MYO1E: variants seen among roughly 807,000 people sequenced by gnomAD.
MYO1E encodes unconventional myosin-Ie.
In MYO1E, 68 loss-of-function variants were observed where a neutral mutation model predicts 151.1. The ratio of observed to expected loss-of-function variants is 0.45; its 90% confidence interval spans 0.37 to 0.55. The LOEUF is 0.55. MYO1E is among the 20% of genes least tolerant of loss of function. MYO1E has a pLI of 0.00. For synonymous variants in MYO1E, 601 were observed against 501.7 expected (o/e 1.20, Z -2.64); for missense variants, 1,363 against 1,389.3 (o/e 0.98, Z 0.30).
chr15:59,267,158 CG>C (rs2080260908), intron 2 of MYO1E, among the ~76,000 whole-genome samples: 3 of 148,774 alleles, frequency 2.0e-5, no homozygotes, highest in African/African-American at 7.5e-5. Flanking sequence ...CCCGAGTAGC[CG>C]GGACTACAGG....
chr15:59,163,276 G>A lies in MYO1E; in HGVS notation c.2508C>T (p.Leu836=). ...GCAAACTGTCATACTCTTGCTCATG[G>A]AGAATAAAAATGTCATCCTGCATAG... ...LSTMQDDIFI[L]HEQEYDSLLE... is the part of the protein sequence containing the mutation. Residue 836 remains leucine (L), a synonymous_variant, in exon 23 of 28, where the codon CTC becomes CTT. Transcript: ENST00000288235. The A allele has an allele frequency of 5.0e-6, 8 of 1,613,734 alleles. No homozygotes were observed. Among genetic ancestry groups the A allele is most frequent in the Non-Finnish European group, 6.8e-6 (8 of 1,179,736 alleles).
rs1284591149 is a variant in MYO1E at position 59,223,158 on chromosome 15, C to T, written c.811G>A (p.Glu271Lys). 6.2e-6 allele frequency: 10 copies of T among 1,614,176 alleles called. No individual in the cohort carries two copies. The highest frequency in any genetic ancestry group is 8.5e-6 in the Non-Finnish European group (10 of 1,180,030). The change falls in exon 9 of 28, where the codon GAG (glutamate) becomes AAG (lysine). Residue 271 changes from glutamate to lysine, a missense_variant. Coordinates refer to ENST00000288235, the MANE Select transcript of MYO1E (RefSeq NM_004998.4). Reference sequence around the variant, plus strand: ...ACTATCTGCAACACCAGCGTTTGCTCTTCTGCAAAGATCCCAATCACATTC... The same window carrying T: ...ACTATCTGCAACACCAGCGTTTGCTTTTCTGCAAAGATCCCAATCACATTC... ...AMNVIGIFAE[E>K]QTLVLQIVAG...
chr15:59,154,976 A>G (rs1284556072), intron 25 of MYO1E, among the ~76,000 whole-genome samples: 1 of 152,182 alleles, frequency 6.6e-6, no homozygotes, highest in East Asian at 1.9e-4. Context: ...AGAACTAGAC[A>G]TTTGGGGCAA....
At chr15:59,363,414 C>CT in intron 1 of MYO1E, among the ~76,000 whole-genome samples, 1 of 152,140 alleles carries the variant, frequency 6.6e-6, no homozygotes, top group Non-Finnish European at 1.5e-5. Flanking sequence ...CTAAATTATC[C>CT]CCTCTGGTAT....
intron 18 of MYO1E, among the ~76,000 whole-genome samples, chr15:59,180,342 T>A (rs190777324): frequency 6.6e-6 from 1 of 152,094 alleles, no homozygotes; most frequent in African/African-American, 2.4e-5. Context: ...AGGAATCTAA[T>A]TGGGTGAGGC....
chr15:59,139,572 TTTC>T (rs1485329225), intron 26 of MYO1E, among the ~76,000 whole-genome samples: 1 of 149,238 alleles, frequency 6.7e-6, no homozygotes, highest in Non-Finnish European at 1.5e-5. Context: ...CTTCTCATTA[TTTC>T]TTGTCAAACT....
intron 10 of MYO1E, among the ~76,000 whole-genome samples, chr15:59,216,578 A>ATGTGTG (rs10569521): frequency 2.7e-5 from 3 of 109,446 alleles, no homozygotes; most frequent in Admixed American, 1.9e-4. Flanking sequence ...ATAAGAGTTT[A>ATGTGTG]TGTGTGTGTG....
intron 2 of MYO1E, among the ~76,000 whole-genome samples, chr15:59,271,411 T>G (rs1278849856): frequency 6.6e-6 from 1 of 152,230 alleles, no homozygotes; most frequent in Non-Finnish European, 1.5e-5. Flanking sequence ...GGCATCAAAG[T>G]TAAACTTTTT....
In MYO1E at chr15:59,173,820, G is replaced by A; in HGVS notation, c.2260C>T (p.Leu754Phe). The A allele has an allele frequency of 6.2e-7, 1 of 1,614,044 alleles. No individual in the cohort carries two copies. The highest frequency in any genetic ancestry group is 8.5e-7 in the Non-Finnish European group (1 of 1,179,952). Residue 754 changes from leucine to phenylalanine, a missense_variant, in exon 21 of 28, where the codon CTC becomes TTC. Transcript: ENST00000288235. ...DYIGMEEHPE[L>F]QQFVGKREKI... Reference sequence around the variant, plus strand: ...TCCCTCTTGCCCACGAACTGCTGGAGTTCTGGGTGCTCTTCCATCCCAATA... The same window carrying A: ...TCCCTCTTGCCCACGAACTGCTGGAATTCTGGGTGCTCTTCCATCCCAATA...
intron 1 of MYO1E, among the ~76,000 whole-genome samples, chr15:59,306,135 T>C (rs143499559): frequency 4.0e-4 from 61 of 152,336 alleles, no homozygotes; most frequent in African/African-American, 1.4e-3. Context: ...AGTTTTTCTA[T>C]GGCACCAGGT....
At chr15:59,207,504 AGTGGAT>A in intron 14 of MYO1E, 1 of 1,614,024 alleles carries the variant, frequency 6.2e-7, no homozygotes, top group South Asian at 1.1e-5. Context: ...TTTCCAATCC[AGTGGAT>A]ATCTTAACTT....
rs764319686 is a variant in MYO1E at position 59,272,313 on chromosome 15, T to G, written c.140A>C (p.Tyr47Ser). The G allele has an allele frequency of 3.1e-6, 5 of 1,614,054 alleles. No individual in the cohort carries two copies. Among genetic ancestry groups the G allele is most frequent in the Non-Finnish European group, 4.2e-6 (5 of 1,179,928 alleles). Residue 47 changes from tyrosine to serine, a missense_variant, in exon 2 of 28, where the codon TAC (tyrosine) becomes TCC (serine). Tyr to Ser is a moderately radical substitution (Grantham distance 144, BLOSUM62 -2). Coordinates refer to ENST00000288235, the MANE Select transcript of MYO1E (RefSeq NM_004998.4). The stretch of plus-strand genomic sequence containing the variant: ...GCAGCCAATAAAGGATACAAAAATG[T>G]AGTCATCCATGTATCTCTTCTTCAG... The part of the protein sequence containing the change: ...ENLKKRYMDD[Y>S]IFTYIGSVLI...
At chr15:59,238,069 G>A (rs2080077507) in intron 4 of MYO1E, among the ~76,000 whole-genome samples, 1 of 152,114 alleles carries the variant, frequency 6.6e-6, no homozygotes, top group Admixed American at 6.5e-5. Flanking sequence ...AAACCAAACT[G>A]AAATTTCGTA....
chr15:59,183,297 C>G (rs2079675557), intron 18 of MYO1E, among the ~76,000 whole-genome samples: 1 of 151,132 alleles, frequency 6.6e-6, no homozygotes. Context: ...GAACTGGTTT[C>G]TCAAAAAACA....
intron 1 of MYO1E, among the ~76,000 whole-genome samples, chr15:59,285,841 T>C (rs540078318): frequency 5.8e-4 from 89 of 152,256 alleles, no homozygotes; most frequent in Non-Finnish European, 1.2e-3. Flanking sequence ...CAAAAGTAAT[T>C]GCGGTTTTTG....
chr15:59,363,979 T>C (rs552499593), intron 1 of MYO1E, among the ~76,000 whole-genome samples: 1 of 152,242 alleles, frequency 6.6e-6, no homozygotes, highest in Non-Finnish European at 1.5e-5. Flanking sequence ...GGTTTTGACA[T>C]GTTGGCCAGG....
rs556098871 is a variant in MYO1E, at chr15:59,219,928, C to T, written c.911-1841G>A. Among the ~76,000 whole-genome samples the T allele has an allele frequency of 3.7e-4, 57 of 152,266 alleles. 1 individual carries two copies. Among genetic ancestry groups the T allele is most frequent in the South Asian group, 1.5e-3 (7 of 4,820 alleles). ...AGAAGCATTCTGAGAAACTTCTTTGCGATGTGTGCATTCATCTCACAGAGT... is the reference window on the plus strand; with the variant it reads ...AGAAGCATTCTGAGAAACTTCTTTGTGATGTGTGCATTCATCTCACAGAGT... On this transcript the variant is annotated intron_variant, in intron 9 of 27. Coordinates refer to ENST00000288235, the MANE Select transcript of MYO1E (RefSeq NM_004998.4).
In MYO1E at chr15:59,359,261, TATATATATATTTTACATAC is replaced by T. The variant is rs1404164016; in HGVS notation, c.3+13218_3+13236del. Among the ~76,000 whole-genome samples the T allele has an allele frequency of 6.1e-5, 9 of 146,414 alleles. 2 individuals are homozygous for T. The South Asian group carries it at 1.9e-3, about 31-fold the overall frequency. ...AGCAACAAAGTGAGACCCTGTAAAA[TATATATATATTTTACATAC>T]ATATATATATATATGTATGTGTATA... is the stretch of plus-strand genomic sequence containing the variant. On this transcript the variant is annotated intron_variant, in intron 1 of 27. Coordinates refer to ENST00000288235, the MANE Select transcript of MYO1E (RefSeq NM_004998.4).
chr15:59,183,515 G>T (rs906398672), intron 18 of MYO1E, among the ~76,000 whole-genome samples: 11 of 151,842 alleles, frequency 7.2e-5, no homozygotes, highest in Non-Finnish European at 1.0e-4. Context: ...AGTTTTTTTT[G>T]GGGGGTGGAT....
Sources: gnomAD v4.1 joint callset for allele counts (sites outside exome capture counted in the v4.1 genomes callset) on GRCh38, gnomAD v4.1.1 for gene constraint, MANE v1.5 for transcripts, NCBI Gene and HGNC (gene_info 2026-07-23, HGNC 2026-07-21) for gene names.